Variants in POU2F1 observed in about 807,000 individuals in gnomAD.
POU2F1 encodes the protein POU domain, class 2, transcription factor 1.
A neutral mutation model predicts 84.9 loss-of-function variants in POU2F1; 16 were observed. The observed-to-expected ratio is 0.19, with a 90% CI of 0.13 to 0.29. The LOEUF (loss-of-function observed/expected upper bound fraction) is 0.29. Among genes scored for constraint, POU2F1 ranks in the 10% least tolerant of loss-of-function variants. POU2F1 has a pLI of 1.00. For synonymous variants in POU2F1, 368 were observed against 368.3 expected (o/e 1.00, Z 0.01); for missense variants, 738 against 942.6 (o/e 0.78, Z 2.84).
intron 9 of POU2F1, among the ~76,000 whole-genome samples, chr1:167,393,695 C>T (rs954523713): frequency 6.6e-6 from 1 of 152,120 alleles, no homozygotes; most frequent in Non-Finnish European, 1.5e-5. Flanking sequence ...ATGGGGCCTT[C>T]TGTTTCCAAG....
intron 1 of POU2F1, among the ~76,000 whole-genome samples, chr1:167,302,678 G>C (rs549604339): frequency 6.6e-6 from 1 of 152,286 alleles, no homozygotes; most frequent in Admixed American, 6.5e-5. Flanking sequence ...AGTTATGTGG[G>C]CCAGTTATAT....
intron 1 of POU2F1, among the ~76,000 whole-genome samples, chr1:167,301,890 G>T (rs1654725035): frequency 6.6e-6 from 1 of 151,898 alleles, no homozygotes; most frequent in African/African-American, 2.4e-5. Flanking sequence ...AGTATGGACA[G>T]ATCAAAATTT....
chr1:167,310,205 T>TA (rs1395616581), intron 1 of POU2F1, among the ~76,000 whole-genome samples: 2 of 151,684 alleles, frequency 1.3e-5, no homozygotes, highest in African/African-American at 4.8e-5. Flanking sequence ...GAAAGGGGAA[T>TA]AAAGAAATTG....
intron 1 of POU2F1, among the ~76,000 whole-genome samples, chr1:167,279,168 G>A (rs934813169): frequency 3.3e-5 from 5 of 152,194 alleles, no homozygotes; most frequent in Admixed American, 3.3e-4. Flanking sequence ...AGAATCATGG[G>A]TAGTGGTATG....
chr1:167,269,232 AT>A (rs1652188249), intron 1 of POU2F1, among the ~76,000 whole-genome samples: 1 of 152,228 alleles, frequency 6.6e-6, no homozygotes, highest in East Asian at 1.9e-4. Flanking sequence ...TTGAAATTTC[AT>A]TTTCTACAAA....
At position 167,416,594 on chromosome 1, in the gene POU2F1, G is replaced by C. The variant is rs1348508914; in HGVS notation, c.*784G>C. On this transcript the variant is annotated 3_prime_UTR_variant, in exon 16 of 16. Coordinates refer to ENST00000367866, the MANE Select transcript of POU2F1 (RefSeq NM_002697.4). ...AGGTGCTAGAAAATTATTTTCTTTTGCCACTTATGCAAGAGGCTTGGTGCA... is the reference window on the plus strand; with the variant it reads ...AGGTGCTAGAAAATTATTTTCTTTTCCCACTTATGCAAGAGGCTTGGTGCA... 2 of 152,968 alleles carry C rather than the reference G, an allele frequency of 1.3e-5. No homozygotes were observed. The highest frequency in any genetic ancestry group is 2.1e-4 in the South Asian group (1 of 4,840). 9.5% of individuals were successfully genotyped at this position (152,968 alleles called of 1,614,324 possible). A position where few individuals can be genotyped will look rare whatever the true frequency, so the allele number is the denominator to read the frequency against.
intron 1 of POU2F1, among the ~76,000 whole-genome samples, chr1:167,287,404 A>G (rs1302161939): frequency 1.3e-5 from 2 of 152,208 alleles, no homozygotes; most frequent in African/African-American, 2.4e-5. Context: ...ATTCCTCCAG[A>G]TTAAAGTTTT....
At chr1:167,265,618 G>GTA (rs1395947332) in intron 1 of POU2F1, among the ~76,000 whole-genome samples, 2 of 152,066 alleles carry the variant, frequency 1.3e-5, no homozygotes, top group African/African-American at 2.4e-5. Context: ...GTAGTGAAAT[G>GTA]TATATATATA....
intron 1 of POU2F1, among the ~76,000 whole-genome samples, chr1:167,278,679 T>C (rs1053122976): frequency 6.6e-6 from 1 of 152,226 alleles, no homozygotes; most frequent in African/African-American, 2.4e-5. Context: ...TTTTTACCTG[T>C]CCTGACAAGT....
Position 167,416,135 on chromosome 1 carries a change from A to C in POU2F1, c.*325A>C. On this transcript the variant is annotated 3_prime_UTR_variant, in exon 16 of 16. Transcript: ENST00000367866. ...ACAAAAAAATCAAAAACAAACAAAA[A>C]TAAGTGAAAGGACTACTTATCATTT... 2.2e-6 allele frequency: 1 copy of C among 456,762 alleles called. No individual in the cohort carries two copies. The highest frequency in any genetic ancestry group is 4.1e-6 in the Non-Finnish European group (1 of 245,760). 28.3% of individuals were successfully genotyped at this position (456,762 alleles called of 1,614,324 possible).
chr1:167,340,408 T>C (rs1393687181), intron 2 of POU2F1, among the ~76,000 whole-genome samples: 2 of 150,584 alleles, frequency 1.3e-5, no homozygotes, highest in Non-Finnish European at 3.0e-5. Flanking sequence ...CTTTGAGCTA[T>C]GTTGTTTCTT....
rs1649795822 is a variant in POU2F1, at chr1:167,409,262, A to G, written c.1556-2697A>G. 2.0e-5 allele frequency among the ~76,000 whole-genome samples: 3 copies of G among 152,018 alleles called. No individual in the cohort carries two copies. In the South Asian group the frequency reaches 6.2e-4, roughly 32 times the overall value. On this transcript the variant is annotated intron_variant, in intron 13 of 15. Transcript: ENST00000367866. ...CTTTCTGCATATGGATATCCAGTTT[A>G]TAAGTTGTATCTCAATAAAAGCTGT...
intron 1 of POU2F1, among the ~76,000 whole-genome samples, chr1:167,301,595 G>GT (rs1654706562): frequency 6.6e-6 from 1 of 152,168 alleles, no homozygotes; most frequent in African/African-American, 2.4e-5. Context: ...TTTGCATCCA[G>GT]TTTAAGTTGG....
At chr1:167,336,627 A>G (rs1036465654) in intron 2 of POU2F1, among the ~76,000 whole-genome samples, 1 of 152,164 alleles carries the variant, frequency 6.6e-6, no homozygotes, top group Non-Finnish European at 1.5e-5. Context: ...AATTAAGTGT[A>G]AGGACGATTA....
intron 1 of POU2F1, among the ~76,000 whole-genome samples, chr1:167,224,623 A>G (rs1002449791): frequency 1.3e-4 from 20 of 152,292 alleles, no homozygotes; most frequent in African/African-American, 4.8e-4. Context: ...ATTTTTAATT[A>G]TTAGTTTATT....
chr1:167,249,732 T>C (rs561789256), intron 1 of POU2F1, among the ~76,000 whole-genome samples: 1 of 151,630 alleles, frequency 6.6e-6, no homozygotes, highest in Non-Finnish European at 1.5e-5. Context: ...ATTGGGAGAG[T>C]TTAAAGTTTT....
In POU2F1 at chr1:167,419,637, AGTTT is replaced by A. The variant is rs1368584836; in HGVS notation, c.*3828_*3831del. ...GAAAAAATAAGTTGAGTGCTGTATT[AGTTT>A]AAGTGTTTCTAAAGTTCTATAGGCA... On this transcript the variant is annotated 3_prime_UTR_variant, in exon 16 of 16. Transcript: ENST00000367866. The A allele has an allele frequency of 6.6e-6, 1 of 152,224 alleles. No individual in the cohort carries two copies. The highest frequency in any genetic ancestry group is 2.4e-5 in the African/African-American group (1 of 41,462). 9.4% of individuals were successfully genotyped at this position (152,224 alleles called of 1,614,324 possible).
At chr1:167,240,991 A>G (rs1199952324) in intron 1 of POU2F1, among the ~76,000 whole-genome samples, 1 of 152,020 alleles carries the variant, frequency 6.6e-6, no homozygotes, top group Non-Finnish European at 1.5e-5. Flanking sequence ...AAAAATACAA[A>G]ATTAGCCTGA....
chr1:167,341,683 C>T (rs1247160781), intron 2 of POU2F1, among the ~76,000 whole-genome samples: 1 of 152,106 alleles, frequency 6.6e-6, no homozygotes, highest in Non-Finnish European at 1.5e-5. Flanking sequence ...CTCCCAAAGC[C>T]CAAGTGGGCA....
Sources: allele counts gnomAD v4.1 joint callset (sites outside exome capture counted in the v4.1 genomes callset), GRCh38; gene constraint gnomAD v4.1.1; transcripts MANE v1.5; gene names NCBI Gene and HGNC (gene_info 2026-07-23, HGNC 2026-07-21).